ZMYM2: variants seen among roughly 807,000 people sequenced by gnomAD.
ZMYM2 encodes the protein zinc finger MYM-type containing 2, also known as zinc finger MYM-type protein 2.
A neutral mutation model predicts 162.8 loss-of-function variants in ZMYM2; 56 were observed. The ratio of observed to expected loss-of-function variants is 0.34; its 90% CI spans 0.28 to 0.43. ZMYM2 has a LOEUF of 0.43. ZMYM2 is among the 20% of genes least tolerant of loss of function. The pLI, the probability that ZMYM2 is intolerant of heterozygous loss-of-function variation, is 1.00. For synonymous variants in ZMYM2, 510 were observed against 541.6 expected, an observed-to-expected ratio of 0.94 and a Z score of 0.81; for missense variants, 1,275 against 1,621.8, an observed-to-expected ratio of 0.79 and a Z score of 3.67.
the ZMYM2 span, among the ~76,000 whole-genome samples, chr13:19,897,434 G>A: frequency 2.6e-5 from 4 of 152,196 alleles, no homozygotes; most frequent in Non-Finnish European, 4.4e-5. Context: ...GAGGATAAAC[G>A]TGAAAGCATG....
At chr13:19,960,842 G>A (rs957175877) in intron 2 of ZMYM2, among the ~76,000 whole-genome samples, 3 of 152,208 alleles carry the variant, frequency 2.0e-5, no homozygotes, top group Non-Finnish European at 4.4e-5. Context: ...GGAGCCCATT[G>A]ACAGTTGATG....
the ZMYM2 span, among the ~76,000 whole-genome samples, chr13:19,870,531 TTCTTTC>T: frequency 3.4e-5 from 4 of 116,846 alleles, no homozygotes; most frequent in South Asian, 3.2e-4. Context: ...CTCTCTTTCT[TTCTTTC>T]TCTTTCTTTC....
At chr13:19,999,063 A>G (rs983155170) in intron 3 of ZMYM2, among the ~76,000 whole-genome samples, 3 of 152,230 alleles carry the variant, frequency 2.0e-5, no homozygotes, top group Non-Finnish European at 4.4e-5. Flanking sequence ...GGAGACTTCT[A>G]CTAAACACTA....
chr13:19,939,656 T>G, the ZMYM2 span, among the ~76,000 whole-genome samples: 1 of 152,192 alleles, frequency 6.6e-6, no homozygotes, highest in South Asian at 2.1e-4. Flanking sequence ...TGAAAATACT[T>G]TAAACATCAA....
intron 16 of ZMYM2, among the ~76,000 whole-genome samples, chr13:20,060,541 G>A (rs1280752512): frequency 6.6e-6 from 1 of 152,090 alleles, no homozygotes. Flanking sequence ...AGTTGGGCAT[G>A]GTGGCACATG....
intron 14 of ZMYM2, among the ~76,000 whole-genome samples, chr13:20,053,364 T>G (rs1955527404): frequency 6.6e-6 from 1 of 152,226 alleles, no homozygotes; most frequent in Non-Finnish European, 1.5e-5. Flanking sequence ...AAATTCTGTA[T>G]TTTTAAAAAG....
At chr13:20,069,321 G>A (rs1956908411) in intron 21 of ZMYM2, among the ~76,000 whole-genome samples, 1 of 151,954 alleles carries the variant, frequency 6.6e-6, no homozygotes, top group South Asian at 2.1e-4. Context: ...CTAGTACAGT[G>A]TTGAATGGAA....
chr13:19,970,617 A>C (rs1956227820), intron 2 of ZMYM2, among the ~76,000 whole-genome samples: 1 of 147,682 alleles, frequency 6.8e-6, no homozygotes. Flanking sequence ...AAAAAAAAAA[A>C]AAAAAGGGCA....
chr13:19,991,790 C>G (rs1471540099), intron 2 of ZMYM2, among the ~76,000 whole-genome samples: 1 of 151,292 alleles, frequency 6.6e-6, no homozygotes. Context: ...CTAACATGCC[C>G]GGCTAATTTT....
chr13:19,971,895 T>C (rs1270340921), intron 2 of ZMYM2, among the ~76,000 whole-genome samples: 1 of 150,916 alleles, frequency 6.6e-6, no homozygotes, highest in Non-Finnish European at 1.5e-5. Context: ...ATGTAGAGAG[T>C]AGGCAGTTTG....
chr13:20,084,912 A>G (rs1189826164), intron 24 of ZMYM2, among the ~76,000 whole-genome samples: 4 of 152,202 alleles, frequency 2.6e-5, no homozygotes, highest in African/African-American at 9.6e-5. Context: ...TACAAGTTGA[A>G]TGCGCCTTAT....
rs184260428 is a variant in ZMYM2 at position 19,978,328 on chromosome 13, T to C, written c.-10-14735T>C. Among the ~76,000 whole-genome samples, 674 of 151,732 alleles carry C rather than the reference T, an allele frequency of 4.4e-3. 1 individual carries two copies. The highest frequency in any genetic ancestry group is 9.1e-3 in the Admixed American group (139 of 15,280). On this transcript the variant is annotated intron_variant, in intron 2 of 24. Coordinates refer to ENST00000610343, the MANE Select transcript of ZMYM2 (RefSeq NM_197968.4). ...GTATACAAACACTCTACTGCTGTACTTCTCTGTCCTCTTCCTTTGTAATAT... is the reference window on the plus strand; with the variant it reads ...GTATACAAACACTCTACTGCTGTACCTCTCTGTCCTCTTCCTTTGTAATAT...
At chr13:19,972,466 AT>A (rs925147949) in intron 2 of ZMYM2, among the ~76,000 whole-genome samples, 1 of 149,602 alleles carries the variant, frequency 6.7e-6, no homozygotes, top group African/African-American at 2.5e-5. Context: ...TCTTTTTGCA[AT>A]TTTTTTTTTC....
rs541722342 is a variant in ZMYM2 at position 20,023,373 on chromosome 13, G to T, written c.1585-3239G>T. ...TTCTTTCTTGATTACCTTCCCATGT[G>T]GTCTACTTGATTGGTCCAAATGTAC... On this transcript the variant is annotated intron_variant, in intron 7 of 24. Transcript: ENST00000610343. Among the ~76,000 whole-genome samples, 9 of 152,100 alleles carry T rather than the reference G, an allele frequency of 5.9e-5. No individual in the cohort carries two copies. In the South Asian group the frequency reaches 1.9e-3, roughly 32 times the overall value.
At chr13:19,918,286 AATT>A in the ZMYM2 span, among the ~76,000 whole-genome samples, 5 of 151,746 alleles carry the variant, frequency 3.3e-5, no homozygotes, top group African/African-American at 7.3e-5. Flanking sequence ...CTCTACTAAA[AATT>A]CAAAAATTAG....
Position 20,031,429 on chromosome 13 carries a change from A to G in ZMYM2, c.1962A>G (p.Glu654=), listed in dbSNP as rs749498076. 4.9e-5 allele frequency: 78 copies of G among 1,597,144 alleles called. No homozygotes were observed. The highest frequency in any genetic ancestry group is 6.7e-5 in the Non-Finnish European group (78 of 1,171,688). ...NSFCSKPEIL[E]WENKVHQFCS... The stretch of plus-strand genomic sequence containing the variant: ...TTTGTTCAAAACCAGAAATCCTGGA[A>G]TGGGAGGCAAGTTGTATTTTGTAAT... The change falls in exon 10 of 25, where the codon GAA becomes GAG. Residue 654 remains glutamate (E), a synonymous_variant. Transcript: ENST00000610343.
the ZMYM2 span, among the ~76,000 whole-genome samples, chr13:19,926,440 C>T: frequency 1.8e-4 from 27 of 150,476 alleles, no homozygotes; most frequent in Non-Finnish European, 3.1e-4. Flanking sequence ...CTCGGCTCAC[C>T]GCAGCCCCCA....
intron 10 of ZMYM2, 135 bp from the exon 11 acceptor site, chr13:20,034,119 G>A: frequency 2.6e-6 from 2 of 770,238 alleles, no homozygotes; most frequent in East Asian, 3.3e-5. Context: ...AGGCATCCAT[G>A]GCCTGTAGGA....
the ZMYM2 span, among the ~76,000 whole-genome samples, chr13:19,918,169 A>G: frequency 6.6e-6 from 1 of 152,018 alleles, no homozygotes; most frequent in Non-Finnish European, 1.5e-5. Flanking sequence ...TATTGGCCGC[A>G]TGTAGTGGCT....
Sources: gnomAD v4.1 joint callset for allele counts (sites outside exome capture counted in the v4.1 genomes callset) on GRCh38, gnomAD v4.1.1 for gene constraint, MANE v1.5 for transcripts, NCBI Gene and HGNC (gene_info 2026-07-23, HGNC 2026-07-21) for gene names.